NRG3: variants seen among roughly 807,000 people sequenced by gnomAD.
NRG3 encodes the protein pro-neuregulin-3, membrane-bound isoform.
In NRG3, 31 loss-of-function variants were observed where a neutral mutation model predicts 66.9. The observed-to-expected ratio is 0.46, with a 90% CI of 0.35 to 0.63. The LOEUF is 0.63. NRG3 is among the 20% of genes least tolerant of loss of function. The pLI is 0.00. For missense variants in NRG3, 910 were observed against 878.9 expected (o/e 1.04, Z -0.45); for synonymous variants, 393 against 359.4 (o/e 1.09, Z -1.06).
At position 82,916,643 on chromosome 10, in the gene NRG3, T is replaced by C. The variant is rs200276621; in HGVS notation, c.1055-34826T>C. Among the ~76,000 whole-genome samples, 3 of 146,526 alleles carry C rather than the reference T, an allele frequency of 2.0e-5. No individual in the cohort carries two copies. The East Asian group carries it at 6.3e-4, about 31-fold the overall frequency. ...CCCAGCAATTACATTTTTTTTTTTT[T>C]TGAGACAGAGCCTTGCTTGGTCGCT... On this transcript the variant is annotated intron_variant, in intron 4 of 8. Coordinates refer to ENST00000372141, the MANE Select transcript of NRG3 (RefSeq NM_001010848.4).
In NRG3 at chr10:81,909,849, AT is replaced by A. The variant is rs577059734; in HGVS notation, c.823+33687del. On this transcript the variant is annotated intron_variant, in intron 1 of 8. Coordinates refer to ENST00000372141, the MANE Select transcript of NRG3 (RefSeq NM_001010848.4). Reference sequence around the variant, plus strand: ...ATAGATAATAAGACCTTTAAAGGAAATATGCGTGATGCTTTTGTAGTCCATG... The same window carrying A: ...ATAGATAATAAGACCTTTAAAGGAAAATGCGTGATGCTTTTGTAGTCCATG... 5.8e-3 allele frequency among the ~76,000 whole-genome samples: 881 copies of A among 152,320 alleles called. 6 individuals carry two copies. Among genetic ancestry groups the A allele is most frequent in the African/African-American group, 0.02 (841 of 41,576 alleles).
chr10:82,930,277 T>C (rs1206853656), intron 4 of NRG3, among the ~76,000 whole-genome samples: 1 of 152,180 alleles, frequency 6.6e-6, no homozygotes, highest in Non-Finnish European at 1.5e-5. Flanking sequence ...GCTGGTAATA[T>C]TTGTGACATA....
intron 2 of NRG3, among the ~76,000 whole-genome samples, chr10:82,709,698 A>C (rs996459471): frequency 3.9e-5 from 6 of 152,102 alleles, no homozygotes; most frequent in African/African-American, 1.4e-4. Flanking sequence ...TGGATGAGCC[A>C]CATACCATGT....
At chr10:82,595,608 ACT>A (rs1353688587) in intron 2 of NRG3, among the ~76,000 whole-genome samples, 1 of 151,956 alleles carries the variant, frequency 6.6e-6, no homozygotes, top group Non-Finnish European at 1.5e-5. Context: ...ACATGGTGAA[ACT>A]CTGTCTCTAC....
intron 1 of NRG3, among the ~76,000 whole-genome samples, chr10:82,022,938 TA>T (rs2062127837): frequency 6.6e-6 from 1 of 150,916 alleles, no homozygotes; most frequent in South Asian, 2.1e-4. Flanking sequence ...AAATTATATA[TA>T]TATTTATGGG....
chr10:82,824,047 C>G (rs543534449), intron 3 of NRG3, among the ~76,000 whole-genome samples: 1 of 152,254 alleles, frequency 6.6e-6, no homozygotes, highest in South Asian at 2.1e-4. Context: ...ATACCTACCC[C>G]CATTCCCTGG....
At chr10:82,020,156 T>C (rs965146408) in intron 1 of NRG3, among the ~76,000 whole-genome samples, 3 of 152,174 alleles carry the variant, frequency 2.0e-5, no homozygotes, top group Non-Finnish European at 4.4e-5. Flanking sequence ...ATGCCAGGTT[T>C]ATAGGAAAAA....
chr10:82,591,889 T>TA (rs1326613661), intron 2 of NRG3, among the ~76,000 whole-genome samples: 2 of 152,182 alleles, frequency 1.3e-5, no homozygotes, highest in African/African-American at 4.8e-5. Context: ...GACCTGTAGG[T>TA]AAAAAATTGT....
At chr10:82,554,060 G>A (rs2132925741) in intron 2 of NRG3, among the ~76,000 whole-genome samples, 1 of 152,110 alleles carries the variant, frequency 6.6e-6, no homozygotes, top group South Asian at 2.1e-4. Context: ...TGTAAGACTG[G>A]GTTTACAACA....
chr10:82,013,178 C>A (rs951007785), intron 1 of NRG3, among the ~76,000 whole-genome samples: 3 of 152,186 alleles, frequency 2.0e-5, no homozygotes, highest in Admixed American at 2.0e-4. Flanking sequence ...TGGCAGAAGG[C>A]AAGGAGGAGC....
At chr10:82,526,108 T>C (rs1846667295) in intron 2 of NRG3, among the ~76,000 whole-genome samples, 1 of 151,946 alleles carries the variant, frequency 6.6e-6, no homozygotes, top group Non-Finnish European at 1.5e-5. Context: ...AGCCTTCTGA[T>C]TCCCTGTTAC....
intron 2 of NRG3, among the ~76,000 whole-genome samples, chr10:82,431,842 C>T (rs771971016): frequency 3.3e-5 from 5 of 152,032 alleles, no homozygotes; most frequent in Non-Finnish European, 7.4e-5. Flanking sequence ...ATGGACAATA[C>T]ATATTATTCT....
At chr10:82,588,143 C>G (rs1318822782) in intron 2 of NRG3, among the ~76,000 whole-genome samples, 2 of 152,150 alleles carry the variant, frequency 1.3e-5, no homozygotes, top group Admixed American at 1.3e-4. Context: ...CCCAGGACCT[C>G]CTGGTTCCAT....
chr10:82,595,108 A>C (rs1180946384), intron 2 of NRG3, among the ~76,000 whole-genome samples: 1 of 152,074 alleles, frequency 6.6e-6, no homozygotes, highest in Non-Finnish European at 1.5e-5. Flanking sequence ...GATTTGATCC[A>C]CCATGCCCCA....
intron 3 of NRG3, among the ~76,000 whole-genome samples, chr10:82,816,924 C>T (rs1312888110): frequency 2.0e-5 from 3 of 152,214 alleles, no homozygotes; most frequent in Non-Finnish European, 4.4e-5. Flanking sequence ...TGAGAGTGTT[C>T]CACTTTGTAT....
In NRG3 at chr10:82,985,468, C is replaced by G. The variant is rs1218401686; in HGVS notation, c.1954C>G (p.Leu652Val). 2 of 1,614,090 alleles carry G rather than the reference C, an allele frequency of 1.2e-6. No homozygotes were observed. The highest frequency in any genetic ancestry group is 2.2e-5 in the South Asian group (2 of 91,084). The change falls in exon 9 of 9, where the codon CTG becomes GTG. Residue 652 changes from leucine to valine, a missense_variant. Leu to Val is a conservative substitution (Grantham distance 32, BLOSUM62 1). Transcript: ENST00000372141. Reference protein sequence around the residue: ...TDARRSEDYELASVETEDSAS... With the variant: ...TDARRSEDYEVASVETEDSAS... ...TGCCAGACGGTCAGAAGACTACGAA[C>G]TGGCCAGCGTAGAAACCGAGGACAG...
In NRG3 at chr10:82,488,877, A is replaced by G. The variant is rs575873844; in HGVS notation, c.953+130009A>G. Among the ~76,000 whole-genome samples the G allele has an allele frequency of 5.0e-4, 76 of 152,358 alleles. 1 individual carries two copies. Among genetic ancestry groups the G allele is most frequent in the Non-Finnish European group, 6.9e-4 (47 of 68,032 alleles). Reference sequence around the variant, plus strand: ...AATATTTAGGAAAAAAAATGTTTGGATTAAACCTTCTATCACATTACTCTT... The same window carrying G: ...AATATTTAGGAAAAAAAATGTTTGGGTTAAACCTTCTATCACATTACTCTT... On this transcript the variant is annotated intron_variant, in intron 2 of 8. Coordinates refer to ENST00000372141, the MANE Select transcript of NRG3 (RefSeq NM_001010848.4).
At chr10:82,642,888 A>G (rs2050678215) in intron 2 of NRG3, among the ~76,000 whole-genome samples, 1 of 151,944 alleles carries the variant, frequency 6.6e-6, no homozygotes, top group Admixed American at 6.6e-5. Context: ...TATGTGTATT[A>G]TACATACACA....
chr10:82,126,477 G>A (rs780473653), intron 1 of NRG3, among the ~76,000 whole-genome samples: 19 of 152,008 alleles, frequency 1.2e-4, no homozygotes, highest in Non-Finnish European at 2.2e-4. Flanking sequence ...CCTAGTAGAT[G>A]TTTCGGTAGA....
Sources: gnomAD v4.1 joint callset for allele counts (sites outside exome capture counted in the v4.1 genomes callset) on GRCh38, gnomAD v4.1.1 for gene constraint, MANE v1.5 for transcripts, NCBI Gene and HGNC (gene_info 2026-07-23, HGNC 2026-07-21) for gene names.